HMCN1: variants seen among roughly 807,000 people sequenced by gnomAD.
HMCN1 encodes the protein hemicentin-1.
HMCN1 carries 321 observed loss-of-function variants against 625.9 expected under a neutral mutation model. That is an observed-to-expected ratio of 0.51 (90% CI 0.47 to 0.56). The LOEUF is 0.56. Among genes scored for constraint, HMCN1 ranks in the 20% least tolerant of loss-of-function variants. The probability of loss-of-function intolerance (pLI) is 0.00; values close to 1 mark genes in which losing one functional copy is unlikely to be tolerated. For missense variants in HMCN1, 6,588 were observed against 6,887.3 expected (o/e 0.96, Z 1.54); for synonymous variants, 2,425 against 2,417.6 (o/e 1.00, Z -0.09).
chr1:186,073,819 A>C (rs972492305), intron 52 of HMCN1, among the ~76,000 whole-genome samples: 1 of 152,004 alleles, frequency 6.6e-6, no homozygotes, highest in Admixed American at 6.6e-5. Context: ...GAAAATTAGT[A>C]ATAATAGAAA....
At chr1:186,036,047 TA>T (rs996788515) in intron 36 of HMCN1, among the ~76,000 whole-genome samples, 12 of 152,220 alleles carry the variant, frequency 7.9e-5, no homozygotes, top group African/African-American at 2.9e-4. Context: ...ATTGTCATTA[TA>T]AAATATTATT....
At chr1:185,934,593 C>T (rs1667720978) in intron 11 of HMCN1, among the ~76,000 whole-genome samples, 1 of 152,138 alleles carries the variant, frequency 6.6e-6, no homozygotes, top group African/African-American at 2.4e-5. Flanking sequence ...AGCAGGGAAT[C>T]TTAATGTAAT....
intron 63 of HMCN1, among the ~76,000 whole-genome samples, chr1:186,089,558 A>G (rs535600142): frequency 6.7e-6 from 1 of 148,232 alleles, no homozygotes; most frequent in Admixed American, 6.7e-5. Flanking sequence ...TCAGAAGCTG[A>G]AGGAAAAACA....
intron 11 of HMCN1, among the ~76,000 whole-genome samples, chr1:185,940,148 AT>A (rs1668010496): frequency 6.6e-6 from 1 of 152,170 alleles, no homozygotes; most frequent in African/African-American, 2.4e-5. Context: ...TTTAGTACAA[AT>A]AACTGAGGTA....
rs547537794 is a variant in HMCN1, at chr1:185,952,173, T to C, written c.1829-10345T>C. Among the ~76,000 whole-genome samples, 94 of 152,006 alleles carry C rather than the reference T, an allele frequency of 6.2e-4. 1 individual carries two copies. The highest frequency in any genetic ancestry group is 2.2e-3 in the African/African-American group (90 of 41,320). On this transcript the variant is annotated intron_variant, in intron 11 of 106. Coordinates refer to ENST00000271588, the MANE Select transcript of HMCN1 (RefSeq NM_031935.3). ...AAGAAAAAGGAGCATTAACCTTGACTATGCCTTTAGCTCCAGCCACCTTTT... is the reference window on the plus strand; with the variant it reads ...AAGAAAAAGGAGCATTAACCTTGACCATGCCTTTAGCTCCAGCCACCTTTT...
At chr1:185,972,990 AT>A (rs1259184946) in intron 15 of HMCN1, among the ~76,000 whole-genome samples, 7 of 152,280 alleles carry the variant, frequency 4.6e-5, no homozygotes, top group Middle Eastern at 3.4e-3. Flanking sequence ...AGTTATCACT[AT>A]TAGGTTTAAA....
chr1:185,964,042 A>G (rs920930495), intron 13 of HMCN1, 147 bp downstream of exon 13: 5 of 701,522 alleles, frequency 7.1e-6, no homozygotes, highest in African/African-American at 3.6e-5. Context: ...TGAAGCAAAT[A>G]TTGTAACCAA....
chr1:185,955,921 T>C (rs755637908), intron 11 of HMCN1, among the ~76,000 whole-genome samples: 64 of 152,318 alleles, frequency 4.2e-4, no homozygotes, highest in Middle Eastern at 3.4e-3. Flanking sequence ...AATGTTATCA[T>C]TCTTATTCTA....
At chr1:185,936,532 A>C (rs566695449) in intron 11 of HMCN1, among the ~76,000 whole-genome samples, 57 of 152,304 alleles carry the variant, frequency 3.7e-4, no homozygotes, top group African/African-American at 1.3e-3. Flanking sequence ...AGTTTGCTCC[A>C]AAAAGAAAAT....
At chr1:186,141,502 A>T (rs1649960919) in intron 89 of HMCN1, among the ~76,000 whole-genome samples, 1 of 152,090 alleles carries the variant, frequency 6.6e-6, no homozygotes, top group Non-Finnish European at 1.5e-5. Flanking sequence ...TAAACTGCAA[A>T]TCTTTTTTAA....
At chr1:185,941,216 T>G (rs1393723707) in intron 11 of HMCN1, among the ~76,000 whole-genome samples, 1 of 152,226 alleles carries the variant, frequency 6.6e-6, no homozygotes, top group African/African-American at 2.4e-5. Context: ...TGGAATTTAC[T>G]TTAAGACCAT....
At chr1:186,165,405 T>A (rs1651817320) in intron 98 of HMCN1, among the ~76,000 whole-genome samples, 1 of 152,246 alleles carries the variant, frequency 6.6e-6, no homozygotes, top group Non-Finnish European at 1.5e-5. Context: ...AAAGCCCATG[T>A]TCTCTGAATT....
intron 4 of HMCN1, among the ~76,000 whole-genome samples, chr1:185,874,213 C>T (rs1272227998): frequency 1.3e-5 from 2 of 151,802 alleles, no homozygotes; most frequent in African/African-American, 2.4e-5. Context: ...TCTAATGAAG[C>T]AGTAAGCAGT....
chr1:186,017,659 A>G (rs1458775964), intron 33 of HMCN1, among the ~76,000 whole-genome samples: 1 of 152,042 alleles, frequency 6.6e-6, no homozygotes, highest in African/African-American at 2.4e-5. Context: ...ATATAATGCT[A>G]TATGATTTCA....
chr1:185,806,663 A>G (rs948720518), intron 1 of HMCN1, among the ~76,000 whole-genome samples: 3 of 152,034 alleles, frequency 2.0e-5, no homozygotes, highest in Admixed American at 2.0e-4. Flanking sequence ...TCTCTCACGT[A>G]CGATGGCATT....
chr1:185,922,248 T>G, intron 6 of HMCN1, 131 bp from the exon 7 acceptor site: 5 of 977,158 alleles, frequency 5.1e-6, no homozygotes, highest in Non-Finnish European at 8.2e-6. Flanking sequence ...GTTGAGAACA[T>G]CAGATCAGAG....
intron 4 of HMCN1, among the ~76,000 whole-genome samples, chr1:185,898,846 A>G (rs1665642941): frequency 6.6e-6 from 1 of 152,014 alleles, no homozygotes; most frequent in African/African-American, 2.4e-5. Context: ...AAAAGTGAAG[A>G]AGATATTGAA....
chr1:185,935,195 A>G (rs1389349340), intron 11 of HMCN1, among the ~76,000 whole-genome samples: 1 of 151,754 alleles, frequency 6.6e-6, no homozygotes, highest in Non-Finnish European at 1.5e-5. Context: ...ATTGTAAAAT[A>G]AAATCAGAGC....
chr1:186,129,654 C>T (rs200766758), intron 83 of HMCN1, among the ~76,000 whole-genome samples: 1 of 112,560 alleles, frequency 8.9e-6, no homozygotes, highest in Admixed American at 9.7e-5. Flanking sequence ...ATTTTTGAAA[C>T]TCAGACTACG....
Sources: gnomAD v4.1 joint callset for allele counts (sites outside exome capture counted in the v4.1 genomes callset) on GRCh38, gnomAD v4.1.1 for gene constraint, MANE v1.5 for transcripts, NCBI Gene and HGNC (gene_info 2026-07-23, HGNC 2026-07-21) for gene names.